UBE2E2: variants seen among roughly 807,000 people sequenced by gnomAD.
The protein encoded by UBE2E2 is ubiquitin-conjugating enzyme E2 E2.
In UBE2E2, 6 loss-of-function variants were observed where a neutral mutation model predicts 24.7. The observed-to-expected ratio is 0.24, with a 90% confidence interval of 0.13 to 0.48. The LOEUF (loss-of-function observed/expected upper bound fraction) is 0.48, where lower values mean the gene tolerates loss of function less well. UBE2E2 is among the 20% of genes least tolerant of loss of function. UBE2E2 has a pLI of 0.99. For missense variants in UBE2E2, 169 were observed against 245.0 expected (o/e 0.69, Z 2.07); for synonymous variants, 104 against 83.6 (o/e 1.24, Z -1.33).
chr3:23,478,196 G>A lies in UBE2E2; in HGVS notation c.228-21412G>A, dbSNP rs116335689. 7.9e-3 allele frequency among the ~76,000 whole-genome samples: 1,198 copies of A among 152,308 alleles called. 16 individuals carry two copies. Among genetic ancestry groups the A allele is most frequent in the African/African-American group, 0.028 (1,145 of 41,568 alleles). On this transcript the variant is annotated intron_variant, in intron 3 of 5. Coordinates refer to ENST00000396703, the MANE Select transcript of UBE2E2 (RefSeq NM_152653.4). ...AAAGTGTTGTTCTAGTATTTATTAT[G>A]TGGCAGACATCATCACAGCTGCCTA...
chr3:23,464,958 G>A lies in UBE2E2; in HGVS notation c.228-34650G>A, dbSNP rs1698889626. ...GCTGCAGCTACACATGTGTATCTTC[G>A]AAGAGTATTTACCCAACATCCTTTG... On this transcript the variant is annotated intron_variant, in intron 3 of 5. Coordinates refer to ENST00000396703, the MANE Select transcript of UBE2E2 (RefSeq NM_152653.4). Among the ~76,000 whole-genome samples, 7 of 152,222 alleles carry A rather than the reference G, an allele frequency of 4.6e-5. No individual in the cohort carries two copies. In the South Asian group the frequency reaches 1.2e-3, roughly 27 times the overall value.
Position 23,512,349 on chromosome 3 carries a change from C to T in UBE2E2, c.360+12609C>T, listed in dbSNP as rs1040098633. Among the ~76,000 whole-genome samples the T allele has an allele frequency of 2.0e-5, 3 of 152,112 alleles. No individual in the cohort carries two copies. In the South Asian group the frequency reaches 6.2e-4, roughly 32 times the overall value. Reference sequence around the variant, plus strand: ...TCTCCCACCTCAGCCTCCCAAGTAGCCAGGACTACAGGCATGTGCCACCAT... The same window carrying T: ...TCTCCCACCTCAGCCTCCCAAGTAGTCAGGACTACAGGCATGTGCCACCAT... On this transcript the variant is annotated intron_variant, in intron 4 of 5. Coordinates refer to ENST00000396703, the MANE Select transcript of UBE2E2 (RefSeq NM_152653.4).
At chr3:23,509,672 C>T (rs1694540134) in intron 4 of UBE2E2, among the ~76,000 whole-genome samples, 2 of 151,986 alleles carry the variant, frequency 1.3e-5, no homozygotes, top group Admixed American at 6.6e-5. Context: ...TGGCGTGCTG[C>T]ACCCGTTAAC....
intron 3 of UBE2E2, among the ~76,000 whole-genome samples, chr3:23,338,025 C>G (rs1265812638): frequency 6.6e-6 from 1 of 152,082 alleles, no homozygotes; most frequent in African/African-American, 2.4e-5. Context: ...TGAGAGCTAC[C>G]TGGGAAGTAT....
At chr3:23,529,082 G>A (rs1186198393) in intron 4 of UBE2E2, among the ~76,000 whole-genome samples, 5 of 152,266 alleles carry the variant, frequency 3.3e-5, no homozygotes, top group South Asian at 2.1e-4. Context: ...TTTATATAGC[G>A]TTCTTGAAAT....
intron 3 of UBE2E2, among the ~76,000 whole-genome samples, chr3:23,381,867 G>A (rs1288898103): frequency 6.6e-6 from 1 of 152,240 alleles, no homozygotes; most frequent in Non-Finnish European, 1.5e-5. Context: ...AGTGTTTGAG[G>A]CTGCTTTGCC....
intron 5 of UBE2E2, among the ~76,000 whole-genome samples, chr3:23,567,105 G>A (rs1205437398): frequency 6.6e-6 from 1 of 152,144 alleles, no homozygotes; most frequent in Non-Finnish European, 1.5e-5. Flanking sequence ...GTACCCAGTG[G>A]GTTAATGCTT....
chr3:23,203,836 G>T (rs1481280800), intron 1 of UBE2E2, among the ~76,000 whole-genome samples: 2 of 152,018 alleles, frequency 1.3e-5, no homozygotes, highest in African/African-American at 4.8e-5. Flanking sequence ...AAATGTCACG[G>T]TGGAAAGTGC....
At chr3:23,343,659 A>G (rs1469911961) in intron 3 of UBE2E2, among the ~76,000 whole-genome samples, 1 of 152,238 alleles carries the variant, frequency 6.6e-6, no homozygotes, top group African/African-American at 2.4e-5. Context: ...TCAAGTGAAC[A>G]CATCTGTGTA....
At chr3:23,325,593 C>T (rs1694863728) in intron 3 of UBE2E2, among the ~76,000 whole-genome samples, 1 of 152,216 alleles carries the variant, frequency 6.6e-6, no homozygotes, top group Admixed American at 6.5e-5. Context: ...GACTTACACA[C>T]TTAGTCTTTG....
At chr3:23,223,904 T>A (rs1482977276) in intron 3 of UBE2E2, among the ~76,000 whole-genome samples, 1 of 152,188 alleles carries the variant, frequency 6.6e-6, no homozygotes, top group African/African-American at 2.4e-5. Context: ...GAAAAGACTC[T>A]CCTTTTCCCA....
intron 3 of UBE2E2, among the ~76,000 whole-genome samples, chr3:23,374,217 A>G (rs577762279): frequency 1.3e-5 from 2 of 152,316 alleles, no homozygotes; most frequent in South Asian, 4.1e-4. Context: ...TAAAGAACCA[A>G]TCATGGGCCT....
chr3:23,550,751 A>T (rs1181158098), intron 5 of UBE2E2, among the ~76,000 whole-genome samples: 1 of 152,152 alleles, frequency 6.6e-6, no homozygotes, highest in East Asian at 1.9e-4. Context: ...AGTTTCCAGG[A>T]TACTGTACAA....
At chr3:23,353,936 C>G (rs1295988429) in intron 3 of UBE2E2, among the ~76,000 whole-genome samples, 3 of 152,182 alleles carry the variant, frequency 2.0e-5, no homozygotes, top group African/African-American at 7.2e-5. Flanking sequence ...CAAGTCAGTC[C>G]TAAGCCAAAA....
At chr3:23,574,441 A>T (rs1175341124) in intron 5 of UBE2E2, among the ~76,000 whole-genome samples, 4 of 152,186 alleles carry the variant, frequency 2.6e-5, no homozygotes. Flanking sequence ...ATTTGCCATG[A>T]TGTGATTGTT....
chr3:23,585,923 T>G (rs1696615765), intron 5 of UBE2E2, among the ~76,000 whole-genome samples: 1 of 151,412 alleles, frequency 6.6e-6, no homozygotes, highest in African/African-American at 2.4e-5. Flanking sequence ...TTTTATTACC[T>G]TTTAGTGTTG....
chr3:23,254,361 T>G lies in UBE2E2; in HGVS notation c.227+37049T>G, dbSNP rs115197374. On this transcript the variant is annotated intron_variant, in intron 3 of 5. Transcript: ENST00000396703. ...AGGGATGCTGGGTTAATCCTGGGTT[T>G]AGGGAACATCTGGTTGCCCAGTTTC... 3.1e-3 allele frequency among the ~76,000 whole-genome samples: 471 copies of G among 152,340 alleles called. 1 individual carries two copies. The highest frequency in any genetic ancestry group is 0.01 in the African/African-American group (422 of 41,578).
chr3:23,394,440 T>TG (rs1225988819), intron 3 of UBE2E2, among the ~76,000 whole-genome samples: 1 of 152,154 alleles, frequency 6.6e-6, no homozygotes, highest in Non-Finnish European at 1.5e-5. Flanking sequence ...AGCCTTATCA[T>TG]GGGAAAAAAG....
At chr3:23,400,571 T>C (rs556001361) in intron 3 of UBE2E2, among the ~76,000 whole-genome samples, 2 of 145,202 alleles carry the variant, frequency 1.4e-5, no homozygotes, top group South Asian at 4.2e-4. Flanking sequence ...AAGTTCATCC[T>C]AAGATCTACA....
Sources: gnomAD v4.1 joint callset for allele counts (sites outside exome capture counted in the v4.1 genomes callset) on GRCh38, gnomAD v4.1.1 for gene constraint, MANE v1.5 for transcripts, NCBI Gene and HGNC (gene_info 2026-07-23, HGNC 2026-07-21) for gene names.